The following BICRA variants were observed in gnomAD, a reference collection of about 807,000 sequenced individuals.
BICRA encodes BRD4-interacting chromatin-remodeling complex-associated protein.
A neutral mutation model predicts 96.9 loss-of-function variants in BICRA; 31 were observed. That is an observed-to-expected ratio of 0.32 (90% CI 0.24 to 0.43). The LOEUF (loss-of-function observed/expected upper bound fraction) is 0.43, where lower values mean the gene tolerates loss of function less well. BICRA is among the 20% of genes least tolerant of loss of function. The pLI is 1.00. For synonymous variants in BICRA, 1,350 were observed against 1,071.8 expected (o/e 1.26, Z -5.07); for missense variants, 2,283 against 2,190.3 (o/e 1.04, Z -0.84).
chr19:47,622,210 C>T (rs571963457), intron 1 of BICRA, among the ~76,000 whole-genome samples: 9 of 151,254 alleles, frequency 6.0e-5, no homozygotes, highest in South Asian at 2.1e-4. Flanking sequence ...GTGATCTGCC[C>T]GCCATGGCCT....
At position 47,701,529 on chromosome 19, in the gene BICRA, C is replaced by T; in HGVS notation, c.3797C>T (p.Ser1266Phe). 1.9e-6 allele frequency: 3 copies of T among 1,548,598 alleles called. No homozygotes were observed. The highest frequency in any genetic ancestry group is 1.2e-5 in the South Asian group (1 of 84,108). The change falls in exon 15 of 15, where the codon TCC (serine) becomes TTC (phenylalanine). Residue 1266 changes from serine to phenylalanine, a missense_variant. Physicochemically the swap from Ser to Phe is radical, Grantham distance 155. Transcript: ENST00000594866. This position sits in a 1 kb window ranked among gnomAD's most constrained non-coding sequence, Gnocchi z 5.4. ...SPSVTWARASSSLSSSSSSSS... is the reference protein window; with the variant it reads ...SPSVTWARASFSLSSSSSSSS... ...TCGGTCACCTGGGCCCGGGCGTCCT[C>T]CTCCCTGTCCTCCTCTTCCTCCTCC...
chr19:47,644,181 C>T (rs1360136125), intron 1 of BICRA, among the ~76,000 whole-genome samples: 1 of 151,574 alleles, frequency 6.6e-6, no homozygotes, highest in Non-Finnish European at 1.5e-5. Flanking sequence ...TGATGCCCAG[C>T]TAATTATTTC....
At chr19:47,685,868 G>T (rs1047505594) in intron 7 of BICRA, among the ~76,000 whole-genome samples, 5 of 151,198 alleles carry the variant, frequency 3.3e-5, no homozygotes, top group African/African-American at 1.2e-4. Flanking sequence ...ATCTGGCTTT[G>T]CTTATTTAGC....
Position 47,699,513 on chromosome 19 carries a change from C to T in BICRA, c.3595+108C>T. 3.0e-6 allele frequency: 2 copies of T among 674,448 alleles called. No homozygotes were observed. Among genetic ancestry groups the T allele is most frequent in the Non-Finnish European group, 5.3e-6 (2 of 377,930 alleles). 41.8% of individuals were successfully genotyped at this position (674,448 alleles called of 1,614,324 possible). A position where few individuals can be genotyped will look rare whatever the true frequency, so the allele number is the denominator to read the frequency against. The stretch of plus-strand genomic sequence containing the variant: ...GTGGGTGTGTGGCCCTACCTCACTC[C>T]ACCACTAGGCGGTGCCCCAGCTCCA... On this transcript the variant is annotated intron_variant, in intron 14 of 14. Transcript: ENST00000594866. This position sits in a 1 kb window ranked among gnomAD's most constrained non-coding sequence, Gnocchi z 5.0.
rs1013381999 is a variant in BICRA at position 47,680,803 on chromosome 19, G to A, written c.1633G>A (p.Ala545Thr). The A allele has an allele frequency of 2.5e-6, 4 of 1,608,074 alleles. No homozygotes were observed. In the South Asian group the frequency reaches 3.3e-5, roughly 13 times the overall value. The change falls in exon 6 of 15, where the codon GCT becomes ACT. Residue 545 changes from alanine (A) to threonine (T), a missense_variant. Coordinates refer to ENST00000594866, the MANE Select transcript of BICRA (RefSeq NM_001394372.1). ...CCACAGCGCGCACATCCTCTCCGCC[G>A]CTCCCATCCAGGTGGGCCAGCCTGC... Reference protein sequence around the residue: ...GAHSAHILSAAPIQVGQPALF... With the variant: ...GAHSAHILSATPIQVGQPALF...
chr19:47,652,518 A>T (rs1368653633), intron 1 of BICRA, among the ~76,000 whole-genome samples: 1 of 152,160 alleles, frequency 6.6e-6, no homozygotes, highest in Non-Finnish European at 1.5e-5. Context: ...ATCAGCAGTC[A>T]GGCAGTGTGG....
At chr19:47,611,767 T>C (rs1971910436) in intron 1 of BICRA, among the ~76,000 whole-genome samples, 1 of 152,204 alleles carries the variant, frequency 6.6e-6, no homozygotes. Context: ...TTAAGTGACC[T>C]GGAGGTGGGT....
chr19:47,650,359 C>T (rs920671386), intron 1 of BICRA, among the ~76,000 whole-genome samples: 1 of 152,106 alleles, frequency 6.6e-6, no homozygotes, highest in African/African-American at 2.4e-5. Flanking sequence ...TCTCAAACTC[C>T]CGACCTCGTG....
chr19:47,620,256 G>A (rs1412426775), intron 1 of BICRA, among the ~76,000 whole-genome samples: 3 of 152,146 alleles, frequency 2.0e-5, no homozygotes, highest in South Asian at 2.1e-4. Flanking sequence ...CTGGTGTGCA[G>A]TAGGTGCTCT....
intron 7 of BICRA, among the ~76,000 whole-genome samples, chr19:47,688,385 AAATAAT>A (rs1249403214): frequency 6.6e-6 from 1 of 152,156 alleles, no homozygotes; most frequent in Non-Finnish European, 1.5e-5. Flanking sequence ...GTTGAAGACC[AAATAAT>A]AATAATAATT....
chr19:47,636,315 TTCC>T (rs1354944464), intron 1 of BICRA, among the ~76,000 whole-genome samples: 1 of 152,140 alleles, frequency 6.6e-6, no homozygotes, highest in Non-Finnish European at 1.5e-5. Context: ...CAAGTGATCC[TTCC>T]TCCTCAGCCT....
rs569281458 is a variant in BICRA at position 47,636,649 on chromosome 19, A to G, written c.-108+27481A>G. On this transcript the variant is annotated intron_variant, in intron 1 of 14. Transcript: ENST00000594866. ...CCACCACCTGAGTGGCTAGGATTATAGGCGTGCACCACCACACCCAGCTAA... is the reference window on the plus strand; with the variant it reads ...CCACCACCTGAGTGGCTAGGATTATGGGCGTGCACCACCACACCCAGCTAA... 3.6e-4 allele frequency among the ~76,000 whole-genome samples: 55 copies of G among 152,278 alleles called. 1 individual carries two copies. Among genetic ancestry groups the G allele is most frequent in the Non-Finnish European group, 6.3e-4 (43 of 68,024 alleles).
intron 1 of BICRA, among the ~76,000 whole-genome samples, chr19:47,668,455 T>C (rs1972815690): frequency 6.6e-6 from 1 of 151,678 alleles, no homozygotes; most frequent in African/African-American, 2.4e-5. Context: ...TTGCAATCTG[T>C]TTAGTGCCAC....
intron 5 of BICRA, 190 bp from the exon 6 acceptor site, chr19:47,679,131 A>G (rs1972986214): frequency 2.3e-6 from 1 of 428,138 alleles, no homozygotes. Context: ...TCTTTGGCTC[A>G]AGCCATCCAT....
intron 1 of BICRA, among the ~76,000 whole-genome samples, chr19:47,644,591 C>G (rs1489256974): frequency 6.6e-6 from 1 of 151,708 alleles, no homozygotes; most frequent in African/African-American, 2.4e-5. Flanking sequence ...ACCTCTGCCT[C>G]TTGGGTTCAA....
At chr19:47,671,465 A>G (rs1972860364) in intron 2 of BICRA, among the ~76,000 whole-genome samples, 2 of 152,220 alleles carry the variant, frequency 1.3e-5, no homozygotes, top group African/African-American at 4.8e-5. Flanking sequence ...AATTCCCACC[A>G]TTCAGGGATC....
At chr19:47,609,405 C>T (rs1242213399) in intron 1 of BICRA, among the ~76,000 whole-genome samples, 1 of 128,260 alleles carries the variant, frequency 7.8e-6, no homozygotes. Flanking sequence ...TTTTCCTGCT[C>T]GGCGCCCACC....
At chr19:47,688,553 A>G (rs1973192907) in intron 7 of BICRA, among the ~76,000 whole-genome samples, 3 of 152,090 alleles carry the variant, frequency 2.0e-5, no homozygotes, top group African/African-American at 7.2e-5. Flanking sequence ...CATTTTGGGA[A>G]GCCGAGTTGG....
intron 1 of BICRA, among the ~76,000 whole-genome samples, chr19:47,618,499 T>C (rs1472138827): frequency 6.6e-6 from 1 of 152,150 alleles, no homozygotes; most frequent in African/African-American, 2.4e-5. Context: ...TGCTTCTGTG[T>C]ATACTCTTGA....
Sources: gnomAD v4.1 joint callset for allele counts (sites outside exome capture counted in the v4.1 genomes callset) on GRCh38, gnomAD v4.1.1 for gene constraint, Gnocchi (gnomAD v3.1) non-coding constraint, MANE v1.5 for transcripts, NCBI Gene and HGNC (gene_info 2026-07-23, HGNC 2026-07-21) for gene names.